TRAP1: variants seen among roughly 807,000 people sequenced by gnomAD.
TRAP1 encodes the protein heat shock protein 75 kDa, mitochondrial.
A neutral mutation model predicts 89.1 loss-of-function variants in TRAP1; 102 were observed. That is an observed-to-expected ratio of 1.15 (90% CI 0.98 to 1.35). The LOEUF is 1.35. TRAP1 is among the 40% of genes most tolerant of loss of function. The pLI, the probability that TRAP1 is intolerant of heterozygous loss-of-function variation, is 0.00. For missense variants in TRAP1, 1,256 were observed against 945.3 expected (o/e 1.33, Z -4.31); for synonymous variants, 508 against 388.0 (o/e 1.31, Z -3.64).
At chr16:3,711,124 G>A (rs1021887429) in intron 1 of TRAP1, among the ~76,000 whole-genome samples, 34 of 151,342 alleles carry the variant, frequency 2.2e-4, no homozygotes, top group African/African-American at 7.0e-4. Flanking sequence ...GGATCCTCCC[G>A]CCGCAGCCCC....
Position 3,662,059 on chromosome 16 carries a change from C to G in TRAP1, c.1868G>C (p.Arg623Pro). 1.9e-6 allele frequency: 3 copies of G among 1,613,436 alleles called. No homozygotes were observed. The highest frequency in any genetic ancestry group is 2.5e-6 in the Non-Finnish European group (3 of 1,179,968). Residue 623 changes from arginine (R) to proline (P), a missense_variant, in exon 16 of 18, where the codon CGC (arginine) becomes CCC (proline). By Grantham distance (103) the Arg-to-Pro change is moderately radical. Coordinates refer to ENST00000246957, the MANE Select transcript of TRAP1 (RefSeq NM_016292.3). ...CTGGGTCTTGGCCAGCTGCTGCATGCGCAGGAAGTGGCGGGCAGCCCCCAT... is the reference window on the plus strand; with the variant it reads ...CTGGGTCTTGGCCAGCTGCTGCATGGGCAGGAAGTGGCGGGCAGCCCCCAT... ...LEMGAARHFL[R>P]MQQLAKTQEE...
rs61753379 is a variant in TRAP1, at chr16:3,679,713, G to A, written c.543+6C>T. 0.05 allele frequency: 79,913 copies of A among 1,613,808 alleles called. 2,225 individuals carry two copies. The highest frequency in any genetic ancestry group is 0.059 in the Admixed American group (3,569 of 60,028). On this transcript the variant is annotated splice_donor_region_variant and intron_variant, in intron 5 of 17. Coordinates refer to ENST00000246957, the MANE Select transcript of TRAP1 (RefSeq NM_016292.3). Reference sequence around the variant, plus strand: ...GGGGGAGGCTGTGTGGGGGCCCCACGCTTACCTTTGACCCCGATCTGGCAA... The same window carrying A: ...GGGGGAGGCTGTGTGGGGGCCCCACACTTACCTTTGACCCCGATCTGGCAA...
chr16:3,703,043 G>GAAAAAAAAAAAAAAAA (rs36093237), intron 1 of TRAP1, among the ~76,000 whole-genome samples: 3 of 43,502 alleles, frequency 6.9e-5, no homozygotes, highest in Non-Finnish European at 1.3e-4. Context: ...ACTCCGTCTT[G>GAAAAAAAAAAAAAAAA]AAAAAAAAAA....
intron 1 of TRAP1, among the ~76,000 whole-genome samples, chr16:3,711,030 T>C (rs1312546191): frequency 1.0e-5 from 1 of 100,374 alleles, no homozygotes; most frequent in Non-Finnish European, 2.0e-5. Flanking sequence ...CCCAGCTAAT[T>C]GGAAAAAAAA....
At position 3,672,002 on chromosome 16, in the gene TRAP1, G is replaced by A. The variant is rs79924897; in HGVS notation, c.1166-211C>T. On this transcript the variant is annotated intron_variant, in intron 10 of 17. Coordinates refer to ENST00000246957, the MANE Select transcript of TRAP1 (RefSeq NM_016292.3). The stretch of plus-strand genomic sequence containing the variant: ...GGCTGTGGGTGGCCGGGACAGCCTC[G>A]GGGTAACACTCGGAAAATGACAGCC... Among the ~76,000 whole-genome samples, 1,209 of 152,322 alleles carry A rather than the reference G, an allele frequency of 7.9e-3. 17 individuals are homozygous for A. The highest frequency in any genetic ancestry group is 0.028 in the African/African-American group (1,158 of 41,560).
At chr16:3,699,081 T>C (rs1027491010) in intron 1 of TRAP1, among the ~76,000 whole-genome samples, 6 of 152,016 alleles carry the variant, frequency 3.9e-5, no homozygotes, top group Admixed American at 1.3e-4. Flanking sequence ...TCGCACAAAA[T>C]GGGAAGCACT....
rs71133652 is a variant in TRAP1 at position 3,710,879 on chromosome 16, A to ATATATATATATATATAT, written c.88+6541_88+6542insATATATATATATATATA. On this transcript the variant is annotated intron_variant, in intron 1 of 17. Transcript: ENST00000246957. Reference sequence around the variant, plus strand: ...TGTGTATATATATATATATATATATATTTTTTTTTTTGAGACACTGTCACT... The same window carrying ATATATATATATATATAT: ...TGTGTATATATATATATATATATATATATATATATATATATATTTTTTTTTTTTGAGACACTGTCACT... Among the ~76,000 whole-genome samples, 3 of 125,800 alleles carry ATATATATATATATATAT rather than the reference A, an allele frequency of 2.4e-5. No individual in the cohort carries two copies. The East Asian group carries it at 7.2e-4, about 30-fold the overall frequency. The allele number at this position is 125,800 out of a possible 152,430, so 82.5% of individuals were successfully genotyped here.
In TRAP1 at chr16:3,676,082, G is replaced by A; in HGVS notation, c.768C>T (p.His256=). Reference sequence around the variant, plus strand: ...AAAACTCCTTGCAGTCGGATTTCAGGTGGATGATGATTTTTGTCCCGGTTC... The same window carrying A: ...AAAACTCCTTGCAGTCGGATTTCAGATGGATGATGATTTTTGTCCCGGTTC... The part of the protein sequence containing the change: ...GVRTGTKIII[H]LKSDCKEFSS... The change falls in exon 7 of 18, where the codon CAC becomes CAT. Residue 256 remains histidine, a synonymous_variant. Transcript: ENST00000246957. 6.2e-7 allele frequency: 1 copy of A among 1,613,968 alleles called. No homozygotes were observed. Among genetic ancestry groups the A allele is most frequent in the African/African-American group, 1.3e-5 (1 of 75,054 alleles).
At chr16:3,661,490 A>T (rs530467656) in intron 16 of TRAP1, 1 of 152,658 alleles carries the variant, frequency 6.6e-6, no homozygotes, top group Non-Finnish European at 1.5e-5. Flanking sequence ...CTGGCTCTCC[A>T]CAACTTCTGA....
intron 17 of TRAP1, chr16:3,658,523 A>C (rs564723712): frequency 7.0e-6 from 4 of 567,458 alleles, no homozygotes; most frequent in Admixed American, 3.1e-5. Context: ...TCTCTACTAA[A>C]ATACAAAATT....
chr16:3,714,937 CAT>C (rs1433151479), intron 1 of TRAP1, among the ~76,000 whole-genome samples: 1 of 152,194 alleles, frequency 6.6e-6, no homozygotes, highest in African/African-American at 2.4e-5. Context: ...TTGCACAAGA[CAT>C]GTATTTTCTT....
At chr16:3,674,665 TA>T (rs1174139594) in intron 8 of TRAP1, 171 bp from the exon 9 acceptor site, 1 of 766,522 alleles carries the variant, frequency 1.3e-6, no homozygotes, top group African/African-American at 1.8e-5. Context: ...CTATGCCGGG[TA>T]GTGCAGGGGA....
At chr16:3,697,620 C>T (rs1172629648) in intron 1 of TRAP1, among the ~76,000 whole-genome samples, 8 of 147,176 alleles carry the variant, frequency 5.4e-5, no homozygotes, top group South Asian at 2.2e-4. Context: ...GCTGAGATGG[C>T]GCCACTGCAC....
chr16:3,697,068 C>T (rs562421426), intron 1 of TRAP1, among the ~76,000 whole-genome samples: 27 of 152,264 alleles, frequency 1.8e-4, no homozygotes, highest in African/African-American at 6.3e-4. Flanking sequence ...TGCCAAGTCA[C>T]ACTCCACAGA....
intron 9 of TRAP1, among the ~76,000 whole-genome samples, chr16:3,674,107 G>C (rs963939380): frequency 1.3e-5 from 2 of 152,018 alleles, no homozygotes; most frequent in African/African-American, 4.8e-5. Context: ...TTTTTTCAGA[G>C]ATGGGGTCTC....
At chr16:3,707,184 C>CTTTTT (rs747339831) in intron 1 of TRAP1, among the ~76,000 whole-genome samples, 5 of 130,040 alleles carry the variant, frequency 3.8e-5, no homozygotes, top group Admixed American at 7.8e-5. Context: ...AAGAGGAAAT[C>CTTTTT]TTTTTTTTTT....
At chr16:3,669,268 A>G (rs1208423283) in intron 11 of TRAP1, among the ~76,000 whole-genome samples, 1 of 152,194 alleles carries the variant, frequency 6.6e-6, no homozygotes, top group Non-Finnish European at 1.5e-5. Flanking sequence ...GCACGACTCT[A>G]ACGACCACAG....
Position 3,663,771 on chromosome 16 carries a change from C to T in TRAP1, c.1570-209G>A, listed in dbSNP as rs530378548. ...CTGCCTTCAAGGCAGAAGCACTCCA[C>T]GCATAAAGAAATCCACATGTGGCTG... is the stretch of plus-strand genomic sequence containing the variant. On this transcript the variant is annotated intron_variant, in intron 13 of 17. Transcript: ENST00000246957. 42 of 600,310 alleles carry T rather than the reference C, an allele frequency of 7.0e-5. 1 individual carries two copies. Among genetic ancestry groups the T allele is most frequent in the South Asian group, 4.8e-4 (23 of 48,048 alleles). The allele number at this position is 600,310 out of a possible 1,614,324, so 37.2% of individuals were successfully genotyped here. A position where few individuals can be genotyped will look rare whatever the true frequency, so the allele number is the denominator to read the frequency against.
At chr16:3,710,754 G>A (rs1012146179) in intron 1 of TRAP1, among the ~76,000 whole-genome samples, 7 of 151,754 alleles carry the variant, frequency 4.6e-5, no homozygotes, top group African/African-American at 1.7e-4. Context: ...AAGGACCCAC[G>A]TCCTTCTGTC....
Sources: gnomAD v4.1 joint callset for allele counts (sites outside exome capture counted in the v4.1 genomes callset) on GRCh38, gnomAD v4.1.1 for gene constraint, MANE v1.5 for transcripts, NCBI Gene and HGNC (gene_info 2026-07-23, HGNC 2026-07-21) for gene names.